The following RPS6KC1 variants were observed in gnomAD, a reference collection of about 807,000 sequenced individuals.
RPS6KC1 encodes ribosomal protein S6 kinase C1.
RPS6KC1 carries 54 observed loss-of-function variants against 103.8 expected under a neutral mutation model. The ratio of observed to expected loss-of-function variants is 0.52; its 90% CI spans 0.42 to 0.65. The LOEUF (loss-of-function observed/expected upper bound fraction) is 0.65, where lower values mean the gene tolerates loss of function less well. Ranked by LOEUF, RPS6KC1 falls within the 30% of genes least tolerant of loss-of-function variation. RPS6KC1 has a pLI of 0.00. For synonymous variants in RPS6KC1, 439 were observed against 438.7 expected, an observed-to-expected ratio of 1.00 and a Z score of -0.01; for missense variants, 1,151 against 1,253.8, an observed-to-expected ratio of 0.92 and a Z score of 1.24.
intron 3 of RPS6KC1, among the ~76,000 whole-genome samples, chr1:213,101,491 TG>T (rs1558317510): frequency 1.3e-5 from 2 of 152,230 alleles, no homozygotes; most frequent in African/African-American, 4.8e-5. Context: ...GTACAAGAAA[TG>T]CTTTTGACAT....
At chr1:213,510,491 G>T in the RPS6KC1 span, among the ~76,000 whole-genome samples, 1 of 152,130 alleles carries the variant, frequency 6.6e-6, no homozygotes, top group Non-Finnish European at 1.5e-5. Flanking sequence ...TCCAGGCAGG[G>T]TTTATTGGCC....
chr1:213,364,614 G>A, the RPS6KC1 span, among the ~76,000 whole-genome samples: 1 of 152,010 alleles, frequency 6.6e-6, no homozygotes, highest in Non-Finnish European at 1.5e-5. Context: ...GATGACCAGG[G>A]GGTGCCCAGC....
At chr1:213,330,188 C>T in the RPS6KC1 span, among the ~76,000 whole-genome samples, 2 of 152,338 alleles carry the variant, frequency 1.3e-5, no homozygotes, top group Admixed American at 1.3e-4. Context: ...TCCCATCCAT[C>T]TGTGATACGG....
chr1:213,343,423 A>G, the RPS6KC1 span, among the ~76,000 whole-genome samples: 10 of 62,880 alleles, frequency 1.6e-4, 1 homozygote, highest in South Asian at 5.8e-4. Flanking sequence ...ATATATATAT[A>G]TATATATATA....
At chr1:213,810,000 T>C in the RPS6KC1 span, among the ~76,000 whole-genome samples, 2 of 152,214 alleles carry the variant, frequency 1.3e-5, no homozygotes, top group African/African-American at 2.4e-5. Flanking sequence ...GCAAAGGGCA[T>C]AAATACACCA....
the RPS6KC1 span, among the ~76,000 whole-genome samples, chr1:213,676,772 C>T: frequency 1.3e-5 from 2 of 152,348 alleles, no homozygotes; most frequent in Non-Finnish European, 2.9e-5. Context: ...ATACCCCATC[C>T]TACCTCCTTG....
At chr1:213,556,434 T>C in the RPS6KC1 span, among the ~76,000 whole-genome samples, 1 of 152,246 alleles carries the variant, frequency 6.6e-6, no homozygotes, top group Admixed American at 6.5e-5. Flanking sequence ...TTGCACAAAC[T>C]ATCACATACA....
At chr1:213,135,894 T>A (rs1275861292) in intron 6 of RPS6KC1, among the ~76,000 whole-genome samples, 5 of 152,226 alleles carry the variant, frequency 3.3e-5, no homozygotes, top group African/African-American at 9.6e-5. Context: ...GAGTTGCTTT[T>A]TAAATTATCC....
At chr1:213,143,208 G>A (rs1183366496) in intron 6 of RPS6KC1, among the ~76,000 whole-genome samples, 2 of 151,636 alleles carry the variant, frequency 1.3e-5, no homozygotes, top group Non-Finnish European at 1.5e-5. Context: ...TTCTTCTTTC[G>A]TGAAACTCAG....
At chr1:213,568,790 T>C in the RPS6KC1 span, among the ~76,000 whole-genome samples, 4 of 152,224 alleles carry the variant, frequency 2.6e-5, no homozygotes, top group East Asian at 5.8e-4. Context: ...CTGGGGCTTT[T>C]TCTCCTTGAC....
the RPS6KC1 span, among the ~76,000 whole-genome samples, chr1:213,582,032 C>CT: frequency 6.6e-6 from 1 of 151,028 alleles, no homozygotes; most frequent in African/African-American, 2.4e-5. Context: ...GTTGCTTTTG[C>CT]TTTTTTTCCT....
At chr1:213,686,085 T>G in the RPS6KC1 span, among the ~76,000 whole-genome samples, 1 of 152,190 alleles carries the variant, frequency 6.6e-6, no homozygotes, top group Non-Finnish European at 1.5e-5. Flanking sequence ...GTCTACCATC[T>G]TAGGCCATAA....
chr1:213,057,752 C>CTT (rs869259657), intron 1 of RPS6KC1, among the ~76,000 whole-genome samples: 22,282 of 72,080 alleles, frequency 0.31, 2,908 homozygotes, highest in Non-Finnish European at 0.43. Flanking sequence ...TCTGAAGTAT[C>CTT]TTTTTTTTTT....
the RPS6KC1 span, among the ~76,000 whole-genome samples, chr1:213,338,834 GGCTCAAGGGATCCTCTTGTGTCA>G: frequency 6.6e-6 from 1 of 151,676 alleles, no homozygotes; most frequent in African/African-American, 2.4e-5. Flanking sequence ...TGATCTTCGG[GGCTCAAGGGATCCTCTTGTGTCA>G]GCAAGTAGCT....
chr1:213,447,442 C>G, the RPS6KC1 span, among the ~76,000 whole-genome samples: 1 of 152,090 alleles, frequency 6.6e-6, no homozygotes, highest in Non-Finnish European at 1.5e-5. Context: ...AAAAAAGAAA[C>G]AGATAACAAT....
chr1:213,724,770 C>T, the RPS6KC1 span, among the ~76,000 whole-genome samples: 2 of 152,166 alleles, frequency 1.3e-5, no homozygotes, highest in African/African-American at 4.8e-5. Flanking sequence ...GAAAATTTGA[C>T]GACTCCATTA....
At chr1:213,839,813 G>A in the RPS6KC1 span, 15 of 152,196 alleles carry the variant, frequency 9.9e-5, no homozygotes, top group African/African-American at 3.6e-4. Flanking sequence ...TAAGATATAA[G>A]AATAATACCG....
chr1:213,333,872 G>A, the RPS6KC1 span, among the ~76,000 whole-genome samples: 1 of 152,118 alleles, frequency 6.6e-6, no homozygotes, highest in African/African-American at 2.4e-5. Context: ...AGTAGAGAAG[G>A]GCTTTCACAA....
chr1:213,289,997 C>T, the RPS6KC1 span, among the ~76,000 whole-genome samples: 7 of 152,024 alleles, frequency 4.6e-5, no homozygotes, highest in African/African-American at 1.2e-4. Flanking sequence ...CGAGATCGCA[C>T]CATTGCACTC....
Sources: allele counts gnomAD v4.1 joint callset (sites outside exome capture counted in the v4.1 genomes callset), GRCh38; gene constraint gnomAD v4.1.1; transcripts MANE v1.5; gene names NCBI Gene and HGNC (gene_info 2026-07-23, HGNC 2026-07-21).